Variants in COL11A1 observed in about 807,000 individuals in gnomAD.
The protein encoded by COL11A1 is collagen type XI alpha 1 chain, also known as collagen alpha-1(XI) chain.
COL11A1 carries 74 observed loss-of-function variants against 265.2 expected under a neutral mutation model. The observed-to-expected ratio is 0.28, with a 90% CI of 0.23 to 0.34. The LOEUF is 0.34. COL11A1 is among the 10% of genes least tolerant of loss of function. The pLI, the probability that COL11A1 is intolerant of heterozygous loss-of-function variation, is 1.00. For missense variants in COL11A1, 2,165 were observed against 2,263.6 expected (o/e 0.96, Z 0.88); for synonymous variants, 816 against 727.6 (o/e 1.12, Z -1.96).
chr1:103,051,007 C>T (rs759445041), intron 4 of COL11A1, among the ~76,000 whole-genome samples: 1 of 152,152 alleles, frequency 6.6e-6, no homozygotes, highest in Non-Finnish European at 1.5e-5. Flanking sequence ...GTCAGTCTGC[C>T]CCTACTGGGG....
In COL11A1 at chr1:103,108,169, A is replaced by G. The variant is rs766915989; in HGVS notation, c.10T>C (p.Trp4Arg). Residue 4 changes from tryptophan (W) to arginine (R), a missense_variant, in exon 1 of 67, where the codon TGG becomes CGG. Trp to Arg is a moderately radical substitution (Grantham distance 101). Transcript: ENST00000370096. MEP[W>R]SSRWKTKRWL... is the part of the protein sequence containing the mutation. ...CGTTTCGTTTTCCACCTAGAGGACCACGGCTCCATCTCCGAGCCCCGCACT... is the reference window on the plus strand; with the variant it reads ...CGTTTCGTTTTCCACCTAGAGGACCGCGGCTCCATCTCCGAGCCCCGCACT... 1 of 1,613,658 alleles carries G rather than the reference A, an allele frequency of 6.2e-7. No individual in the cohort carries two copies. The highest frequency in any genetic ancestry group is 8.5e-7 in the Non-Finnish European group (1 of 1,179,910).
chr1:103,038,306 A>T lies in COL11A1; in HGVS notation c.652-7062T>A, dbSNP rs576161649. ...GGTGAAACCCATTCTCCACCAAAAA[A>T]ATACGAAAGTTAGCTGGGCATGGTG... On this transcript the variant is annotated intron_variant, in intron 4 of 66. Transcript: ENST00000370096. Among the ~76,000 whole-genome samples, 26 of 152,170 alleles carry T rather than the reference A, an allele frequency of 1.7e-4. No homozygotes were observed. In the South Asian group the frequency reaches 5.0e-3, roughly 29 times the overall value.
chr1:102,962,065 T>C, intron 40 of COL11A1, 111 bp downstream of exon 40: 1 of 1,040,372 alleles, frequency 9.6e-7, no homozygotes. Context: ...GATAATCAAA[T>C]ATATATGTTT....
chr1:102,888,357 G>A (rs931367726), intron 62 of COL11A1, among the ~76,000 whole-genome samples: 21 of 152,024 alleles, frequency 1.4e-4, no homozygotes, highest in African/African-American at 5.1e-4. Flanking sequence ...ATAAAAACAA[G>A]ACTATAATAT....
intron 14 of COL11A1, among the ~76,000 whole-genome samples, chr1:103,011,419 G>A (rs938878214): frequency 1.3e-5 from 2 of 151,756 alleles, no homozygotes; most frequent in Non-Finnish European, 2.9e-5. Flanking sequence ...TGTGTTCCCC[G>A]TGAGCTTATA....
chr1:103,057,094 CT>C (rs1160350166), intron 4 of COL11A1, among the ~76,000 whole-genome samples: 2 of 152,100 alleles, frequency 1.3e-5, no homozygotes, highest in Non-Finnish European at 2.9e-5. Context: ...GCATGTGATG[CT>C]TTTTGATAGC....
intron 36 of COL11A1, among the ~76,000 whole-genome samples, chr1:102,973,684 AC>A (rs1662193060): frequency 6.6e-6 from 1 of 152,160 alleles, no homozygotes; most frequent in Non-Finnish European, 1.5e-5. Flanking sequence ...TGCAGGTAGT[AC>A]CAAGGTTACT....
rs768596501 is a variant in COL11A1, at chr1:102,879,735, T to G, written c.5222A>C (p.Glu1741Ala). The stretch of plus-strand genomic sequence containing the variant: ...AAAAGGATTATTGTCATAGGACATC[T>G]CCTCATCATTTGATCCCAGGAAGCG... ...ALRFLGSNDE[E>A]MSYDNNPFIK... The change falls in exon 66 of 67, where the codon GAG becomes GCG. Residue 1741 changes from glutamate to alanine, a missense_variant. By Grantham distance (107) the Glu-to-Ala change is moderately radical (BLOSUM62 -1). Transcript: ENST00000370096. 15 of 1,613,856 alleles carry G rather than the reference T, an allele frequency of 9.3e-6. No individual in the cohort carries two copies. The highest frequency in any genetic ancestry group is 1.3e-5 in the Non-Finnish European group (15 of 1,179,910).
intron 4 of COL11A1, among the ~76,000 whole-genome samples, chr1:103,060,372 TA>T (rs1423645650): frequency 2.6e-5 from 4 of 152,184 alleles, no homozygotes; most frequent in African/African-American, 9.6e-5. Flanking sequence ...TCAGAAATAA[TA>T]AAAATTATAT....
At chr1:102,966,038 G>A (rs772687503) in intron 37 of COL11A1, among the ~76,000 whole-genome samples, 58 of 152,018 alleles carry the variant, frequency 3.8e-4, no homozygotes, top group African/African-American at 7.7e-4. Context: ...TTATTTTAGC[G>A]TTTATCAATA....
At chr1:103,083,737 C>A (rs932244407) in intron 1 of COL11A1, among the ~76,000 whole-genome samples, 1 of 152,126 alleles carries the variant, frequency 6.6e-6, no homozygotes, top group Admixed American at 6.5e-5. Flanking sequence ...ACTTACCAGT[C>A]ACTTCATGGA....
In COL11A1 at chr1:102,920,324, C is replaced by T. The variant is rs774557757; in HGVS notation, c.3749G>A (p.Gly1250Asp). 2 of 1,613,272 alleles carry T rather than the reference C, an allele frequency of 1.2e-6. No homozygotes were observed. The highest frequency in any genetic ancestry group is 1.1e-5 in the South Asian group (1 of 91,068). Residue 1250 changes from glycine (G) to aspartate (D), a missense_variant, in exon 49 of 67, where the codon GGT becomes GAT. Gly to Asp is a moderately conservative substitution (Grantham distance 94). Coordinates refer to ENST00000370096, the MANE Select transcript of COL11A1 (RefSeq NM_001854.4). Reference protein sequence around the residue: ...GPPGSVGSVGGVGEKGEPGEA... With the variant: ...GPPGSVGSVGDVGEKGEPGEA... ...TAACATATTTACCTTTTCTCCAACA[C>T]CACCAACTGAACCAACAGACCCTGG...
At chr1:102,984,059 A>T in intron 31 of COL11A1, 79 bp downstream of exon 31, 1 of 1,029,154 alleles carries the variant, frequency 9.7e-7, no homozygotes, top group Non-Finnish European at 1.5e-6. Flanking sequence ...TAGAGATGTT[A>T]CAAATTGTAA....
In COL11A1 at chr1:102,899,013, T is replaced by C. The variant is rs774738705; in HGVS notation, c.4087-19A>G. 6.9e-7 allele frequency: 1 copy of C among 1,442,798 alleles called. No individual in the cohort carries two copies. The highest frequency in any genetic ancestry group is 2.4e-5 in the East Asian group (1 of 42,026). The allele number at this position is 1,442,798 out of a possible 1,614,324, so 89.4% of individuals were successfully genotyped here. A position where few individuals can be genotyped will look rare whatever the true frequency, so the allele number is the denominator to read the frequency against. On this transcript the variant is annotated intron_variant, in intron 54 of 66. Coordinates refer to ENST00000370096, the MANE Select transcript of COL11A1 (RefSeq NM_001854.4). Reference sequence around the variant, plus strand: ...GAGGACCCTATAGACATAAGATTTATTGTAAAATATGTATCACATATAAAA... The same window carrying C: ...GAGGACCCTATAGACATAAGATTTACTGTAAAATATGTATCACATATAAAA...
intron 28 of COL11A1, among the ~76,000 whole-genome samples, chr1:102,994,491 G>A (rs1334495547): frequency 1.3e-5 from 2 of 152,032 alleles, no homozygotes; most frequent in African/African-American, 4.8e-5. Context: ...GAAGCTCCCT[G>A]AGGCCTTCCA....
chr1:102,979,579 A>C, intron 31 of COL11A1, 144 bp from the exon 32 acceptor site: 2 of 717,836 alleles, frequency 2.8e-6, no homozygotes, highest in Middle Eastern at 2.3e-4. Flanking sequence ...TCATCGAAGT[A>C]ATTGAAAATG....
chr1:102,904,677 A>C (rs1653688291), intron 54 of COL11A1, among the ~76,000 whole-genome samples: 1 of 152,094 alleles, frequency 6.6e-6, no homozygotes, highest in Non-Finnish European at 1.5e-5. Flanking sequence ...ACAATGAGAT[A>C]CCATCTCACA....
chr1:103,107,857 C>T (rs1395382386), intron 1 of COL11A1, among the ~76,000 whole-genome samples: 1 of 152,108 alleles, frequency 6.6e-6, no homozygotes, highest in East Asian at 1.9e-4. Flanking sequence ...TTTCCTGCTA[C>T]CTACCTCGTC....
In COL11A1 at chr1:103,065,095, C is replaced by T. The variant is rs1184731606; in HGVS notation, c.651+9523G>A. Reference sequence around the variant, plus strand: ...TTTCATCTGTTGTAATAAATTCCTACTCTCATATGGGATATTGATAATAGG... The same window carrying T: ...TTTCATCTGTTGTAATAAATTCCTATTCTCATATGGGATATTGATAATAGG... On this transcript the variant is annotated intron_variant, in intron 4 of 66. Transcript: ENST00000370096. 2.6e-5 allele frequency among the ~76,000 whole-genome samples: 4 copies of T among 152,098 alleles called. No homozygotes were observed. In the East Asian group the frequency reaches 7.7e-4, roughly 29 times the overall value.
Sources: allele counts gnomAD v4.1 joint callset (sites outside exome capture counted in the v4.1 genomes callset), GRCh38; gene constraint gnomAD v4.1.1; transcripts MANE v1.5; gene names NCBI Gene and HGNC (gene_info 2026-07-23, HGNC 2026-07-21).